OLFM3: variants seen among roughly 807,000 people sequenced by gnomAD.
The protein encoded by OLFM3 is noelin-3.
In OLFM3, 20 loss-of-function variants were observed where a neutral mutation model predicts 48.6. The ratio of observed to expected loss-of-function variants is 0.41; its 90% confidence interval spans 0.29 to 0.60. The LOEUF (loss-of-function observed/expected upper bound fraction) is 0.60. Among genes scored for constraint, OLFM3 ranks in the 20% least tolerant of loss-of-function variants. The probability of loss-of-function intolerance (pLI) is 0.28; values close to 1 mark genes in which losing one functional copy is unlikely to be tolerated. For missense variants in OLFM3, 437 were observed against 544.3 expected (o/e 0.80, Z 1.96); for synonymous variants, 222 against 198.1 (o/e 1.12, Z -1.01).
chr1:101,915,797 T>C (rs1434433134), intron 1 of OLFM3, among the ~76,000 whole-genome samples: 1 of 152,260 alleles, frequency 6.6e-6, no homozygotes, highest in East Asian at 1.9e-4. Context: ...ATTCTGAAAA[T>C]AGATCATTGT....
At chr1:101,819,504 A>G (rs1654500091) in intron 4 of OLFM3, among the ~76,000 whole-genome samples, 1 of 152,054 alleles carries the variant, frequency 6.6e-6, no homozygotes, top group African/African-American at 2.4e-5. Flanking sequence ...ATCATGAATG[A>G]CACTCTGAAT....
intron 1 of OLFM3, among the ~76,000 whole-genome samples, chr1:101,954,144 T>C (rs1175976174): frequency 1.3e-5 from 2 of 152,148 alleles, no homozygotes; most frequent in Admixed American, 1.3e-4. Flanking sequence ...GTATTATCCA[T>C]TTAAAATTAT....
chr1:101,810,641 A>G (rs984727490), intron 4 of OLFM3, among the ~76,000 whole-genome samples: 1 of 151,898 alleles, frequency 6.6e-6, no homozygotes, highest in Non-Finnish European at 1.5e-5. Flanking sequence ...GTAGATGAAA[A>G]TGGAAGATGT....
chr1:101,982,365 T>C (rs924847384), intron 1 of OLFM3, among the ~76,000 whole-genome samples: 1 of 152,098 alleles, frequency 6.6e-6, no homozygotes, highest in African/African-American at 2.4e-5. Flanking sequence ...TTAAAATAAA[T>C]AGATCATCCA....
chr1:101,895,729 T>C (rs533663344), intron 1 of OLFM3, among the ~76,000 whole-genome samples: 2 of 152,242 alleles, frequency 1.3e-5, no homozygotes, highest in Non-Finnish European at 2.9e-5. Flanking sequence ...CAATGGGCTA[T>C]GAACAGATTT....
At chr1:101,892,961 T>C (rs1658060456) in intron 1 of OLFM3, 1 of 152,510 alleles carries the variant, frequency 6.6e-6, no homozygotes, top group Non-Finnish European at 1.5e-5. Context: ...AAGTAAGATT[T>C]GAATTTTTTC....
intron 1 of OLFM3, among the ~76,000 whole-genome samples, chr1:101,992,388 C>T (rs1007769560): frequency 4.6e-5 from 7 of 152,276 alleles, no homozygotes; most frequent in African/African-American, 1.4e-4. Context: ...GACCAGGAAG[C>T]TATTTGCTCC....
intron 3 of OLFM3, among the ~76,000 whole-genome samples, chr1:101,828,429 T>C (rs926535754): frequency 6.6e-6 from 1 of 152,198 alleles, no homozygotes; most frequent in Non-Finnish European, 1.5e-5. Context: ...TTTTGACATA[T>C]AACTTCAGCG....
At chr1:101,828,439 G>A (rs368193899) in intron 3 of OLFM3, among the ~76,000 whole-genome samples, 18 of 152,202 alleles carry the variant, frequency 1.2e-4, no homozygotes, top group East Asian at 1.2e-3. Flanking sequence ...TAACTTCAGC[G>A]TATACTTGGA....
chr1:101,990,157 G>C (rs1242958341), intron 1 of OLFM3, among the ~76,000 whole-genome samples: 1 of 152,108 alleles, frequency 6.6e-6, no homozygotes, highest in East Asian at 1.9e-4. Flanking sequence ...TTTTTCCTAA[G>C]AAACTTGTAA....
At chr1:101,966,326 T>C (rs1015867787) in intron 1 of OLFM3, among the ~76,000 whole-genome samples, 8 of 135,750 alleles carry the variant, frequency 5.9e-5, no homozygotes, top group Admixed American at 1.5e-4. Flanking sequence ...TTTGTGTGTG[T>C]GTGTGTGTGT....
chr1:101,928,571 C>T (rs1408124591), intron 1 of OLFM3, among the ~76,000 whole-genome samples: 1 of 152,084 alleles, frequency 6.6e-6, no homozygotes, highest in Non-Finnish European at 1.5e-5. Context: ...TGAGAAAACT[C>T]ATTAAGTCTT....
intron 1 of OLFM3, among the ~76,000 whole-genome samples, chr1:101,979,723 C>T (rs1009939836): frequency 4.6e-5 from 7 of 152,128 alleles, no homozygotes; most frequent in Non-Finnish European, 8.8e-5. Flanking sequence ...GGGTTGCAGC[C>T]CGACACAGAG....
rs770889485 is a variant in OLFM3 at position 101,996,730 on chromosome 1, T to C, written c.69+18A>G. On this transcript the variant is annotated intron_variant, in intron 1 of 5. Transcript: ENST00000370103. ...ATTGCACATTTATTTCAAACAAGACTCAAAATATTGTTCATACCTTGGAAG... is the reference window on the plus strand; with the variant it reads ...ATTGCACATTTATTTCAAACAAGACCCAAAATATTGTTCATACCTTGGAAG... 6.2e-7 allele frequency: 1 copy of C among 1,613,450 alleles called. No homozygotes were observed. The highest frequency in any genetic ancestry group is 8.5e-7 in the Non-Finnish European group (1 of 1,179,362).
At chr1:101,891,239 C>A (rs1657982909) in intron 1 of OLFM3, among the ~76,000 whole-genome samples, 1 of 151,930 alleles carries the variant, frequency 6.6e-6, no homozygotes, top group Admixed American at 6.6e-5. Flanking sequence ...TCCCATGAAT[C>A]ATTAACTTAG....
chr1:101,960,167 G>C (rs911358938), intron 1 of OLFM3, among the ~76,000 whole-genome samples: 1 of 152,136 alleles, frequency 6.6e-6, no homozygotes, highest in African/African-American at 2.4e-5. Context: ...ACAGTGGTTG[G>C]TACCTAGAGA....
intron 1 of OLFM3, among the ~76,000 whole-genome samples, chr1:101,948,861 T>C (rs1300598015): frequency 6.8e-6 from 1 of 147,650 alleles, no homozygotes; most frequent in Non-Finnish European, 1.5e-5. Flanking sequence ...TTATATATTA[T>C]ATATTTATAT....
At chr1:101,887,562 G>C (rs1311258039) in intron 1 of OLFM3, among the ~76,000 whole-genome samples, 1 of 151,956 alleles carries the variant, frequency 6.6e-6, no homozygotes, top group Non-Finnish European at 1.5e-5. Context: ...TTCATACAGG[G>C]AACAGGCAGT....
chr1:101,905,969 A>C (rs1177418851), intron 1 of OLFM3, among the ~76,000 whole-genome samples: 2 of 152,166 alleles, frequency 1.3e-5, no homozygotes, highest in African/African-American at 4.8e-5. Context: ...AATCACTAGC[A>C]ATCAGTGAAG....
Sources: allele counts gnomAD v4.1 joint callset (sites outside exome capture counted in the v4.1 genomes callset), GRCh38; gene constraint gnomAD v4.1.1; transcripts MANE v1.5; gene names NCBI Gene and HGNC (gene_info 2026-07-23, HGNC 2026-07-21).